LTBP1: variants seen among roughly 807,000 people sequenced by gnomAD.
The protein encoded by LTBP1 is latent-transforming growth factor beta-binding protein 1.
Under a neutral mutation model 207.6 loss-of-function variants are expected in LTBP1, and 129 were observed. The observed-to-expected ratio is 0.62, with a 90% confidence interval of 0.54 to 0.72. The LOEUF is 0.72. LTBP1 is among the 30% of genes least tolerant of loss of function. LTBP1 has a pLI of 0.00. For synonymous variants in LTBP1, 963 were observed against 833.7 expected (o/e 1.16, Z -2.67); for missense variants, 2,281 against 2,217.2 (o/e 1.03, Z -0.58).
intron 31 of LTBP1, among the ~76,000 whole-genome samples, chr2:33,372,150 G>A (rs569257850): frequency 1.3e-5 from 2 of 152,284 alleles, no homozygotes; most frequent in East Asian, 1.9e-4. Flanking sequence ...AGCTTAAGAT[G>A]CCTGTCAGTG....
rs1676430902 is a variant in LTBP1 at position 32,947,793 on chromosome 2, G to A, written c.469G>A (p.Val157Ile). The A allele has an allele frequency of 6.8e-7, 1 of 1,478,344 alleles. No homozygotes were observed. The highest frequency in any genetic ancestry group is 9.0e-7 in the Non-Finnish European group (1 of 1,110,420). 91.6% of individuals were successfully genotyped at this position (1,478,344 alleles called of 1,614,324 possible). ...GAGCGGCGGAGGCTCTAGGCTGCAG[G>A]TTCACCAGAAGCAGCAGCTGCAGGG... is the stretch of plus-strand genomic sequence containing the variant. ...TQSGGGSRLQ[V>I]HQKQQLQGVN... The change falls in exon 1 of 34, where the codon GTT becomes ATT. Residue 157 changes from valine to isoleucine, a missense_variant. Val to Ile is a conservative substitution (Grantham distance 29). This residue lies in a region of LTBP1 where 555 missense variants were observed against 491.0 expected (regional missense o/e 1.13). Transcript: ENST00000404816.
intron 3 of LTBP1, among the ~76,000 whole-genome samples, chr2:33,084,344 GAA>G (rs1447821220): frequency 6.6e-6 from 1 of 152,164 alleles, no homozygotes; most frequent in Non-Finnish European, 1.5e-5. Flanking sequence ...AAGAGGCTTT[GAA>G]GTTGTGAAAG....
In LTBP1 at chr2:33,223,443, A is replaced by T. The variant is rs74552675; in HGVS notation, c.1876+1292A>T. On this transcript the variant is annotated intron_variant, in intron 9 of 33. Coordinates refer to ENST00000404816, the MANE Select transcript of LTBP1 (RefSeq NM_206943.4). ...TTAACCACTTAAGGAGAGGACACCCATGACACATTTTGAGAAACATCTGCT... is the reference window on the plus strand; with the variant it reads ...TTAACCACTTAAGGAGAGGACACCCTTGACACATTTTGAGAAACATCTGCT... Among the ~76,000 whole-genome samples the T allele has an allele frequency of 8.1e-4, 124 of 152,328 alleles. 1 individual carries two copies. The East Asian group carries it at 0.021, about 26-fold the overall frequency.
At chr2:32,951,628 C>T (rs1025035480) in intron 2 of LTBP1, among the ~76,000 whole-genome samples, 2 of 152,154 alleles carry the variant, frequency 1.3e-5, no homozygotes, top group Non-Finnish European at 2.9e-5. Context: ...GTTCACTTGA[C>T]CTGTCTGGCC....
At chr2:33,100,718 T>C (rs532724800) in intron 3 of LTBP1, among the ~76,000 whole-genome samples, 7 of 152,256 alleles carry the variant, frequency 4.6e-5, no homozygotes, top group African/African-American at 1.7e-4. Context: ...CAACCCCTGG[T>C]GATAACCTCT....
At chr2:33,233,244 G>C (rs2091885629) in intron 9 of LTBP1, among the ~76,000 whole-genome samples, 1 of 151,968 alleles carries the variant, frequency 6.6e-6, no homozygotes, top group Non-Finnish European at 1.5e-5. Flanking sequence ...GCTGCATTTT[G>C]AATGGTTATC....
intron 3 of LTBP1, among the ~76,000 whole-genome samples, chr2:33,026,460 G>T (rs952767009): frequency 6.6e-6 from 1 of 152,074 alleles, no homozygotes; most frequent in Non-Finnish European, 1.5e-5. Flanking sequence ...CTTGTCTATG[G>T]ATTGTTTCAC....
chr2:33,074,529 G>A (rs1558599661), intron 3 of LTBP1, among the ~76,000 whole-genome samples: 1 of 152,106 alleles, frequency 6.6e-6, no homozygotes, highest in Non-Finnish European at 1.5e-5. Context: ...TTGAGGTCAA[G>A]AGTTCGAGAC....
intron 30 of LTBP1, 28 bp downstream of exon 30, chr2:33,364,384 G>A (rs1461954729): frequency 6.3e-7 from 1 of 1,587,550 alleles, no homozygotes; most frequent in Non-Finnish European, 8.5e-7. Flanking sequence ...GCAAACCTGT[G>A]TCCAAATAAC....
intron 3 of LTBP1, among the ~76,000 whole-genome samples, chr2:33,022,263 CTCT>C (rs1357719024): frequency 9.7e-6 from 1 of 102,952 alleles, no homozygotes; most frequent in Non-Finnish European, 2.1e-5. Context: ...CTCCTCAATC[CTCT>C]TTTTTTTTTT....
intron 24 of LTBP1, among the ~76,000 whole-genome samples, chr2:33,330,734 G>T (rs1573872485): frequency 6.8e-6 from 1 of 147,660 alleles, no homozygotes; most frequent in Non-Finnish European, 1.5e-5. Context: ...GATAATACAG[G>T]TCTATAATAC....
intron 3 of LTBP1, among the ~76,000 whole-genome samples, chr2:33,029,488 A>G (rs1439941385): frequency 6.6e-6 from 1 of 152,238 alleles, no homozygotes; most frequent in African/African-American, 2.4e-5. Context: ...AAAGAAGAAA[A>G]AAAAAAGAAA....
At chr2:33,034,855 TAAAA>T (rs200129992) in intron 3 of LTBP1, among the ~76,000 whole-genome samples, 9 of 147,754 alleles carry the variant, frequency 6.1e-5, no homozygotes, top group African/African-American at 1.7e-4. Context: ...AGGGTTTAAA[TAAAA>T]AAAAAAGGAT....
At chr2:32,974,801 G>A (rs765297492) in intron 2 of LTBP1, among the ~76,000 whole-genome samples, 8 of 152,098 alleles carry the variant, frequency 5.3e-5, no homozygotes, top group Non-Finnish European at 8.8e-5. Context: ...TCTTGAAGAC[G>A]GTATACAGTT....
chr2:33,347,200 G>C (rs1018988476), intron 25 of LTBP1, among the ~76,000 whole-genome samples, 167 bp from the exon 26 acceptor site: 1 of 150,592 alleles, frequency 6.6e-6, no homozygotes, highest in African/African-American at 2.4e-5. Context: ...AAATCTGACA[G>C]CTCTACCTTA....
intron 2 of LTBP1, among the ~76,000 whole-genome samples, chr2:32,959,618 TA>T (rs1270781214): frequency 1.9e-3 from 84 of 45,100 alleles, no homozygotes; most frequent in African/African-American, 3.6e-3. Flanking sequence ...TATATATATA[TA>T]TATTTTTTTT....
chr2:33,215,872 C>T (rs1249409573), intron 7 of LTBP1, among the ~76,000 whole-genome samples: 1 of 151,974 alleles, frequency 6.6e-6, no homozygotes, highest in Non-Finnish European at 1.5e-5. Flanking sequence ...CGCACCACCA[C>T]GCTGGCTAAT....
chr2:33,181,144 G>C (rs561712449), intron 5 of LTBP1, among the ~76,000 whole-genome samples: 10 of 152,180 alleles, frequency 6.6e-5, no homozygotes, highest in Non-Finnish European at 1.2e-4. Context: ...CCCTGCTGCA[G>C]GAAGGTCAAG....
Position 33,186,919 on chromosome 2 carries a change from C to T in LTBP1, c.1265C>T (p.Pro422Leu), listed in dbSNP as rs769350777. ...AGTTCAAGGGACAAATGTCAGTGCC[C>T]TCCAAATTTCACAGGAAAACTTTGT... Reference protein sequence around the residue: ...QCSSRDKCQCPPNFTGKLCQI... With the variant: ...QCSSRDKCQCLPNFTGKLCQI... The change falls in exon 6 of 34, where the codon CCT becomes CTT. Residue 422 changes from proline (P) to leucine (L), a missense_variant. Pro to Leu is a moderately conservative substitution (Grantham distance 98). This residue lies in a region of LTBP1 where 55 missense variants were observed against 91.5 expected (regional missense o/e 0.60). Coordinates refer to ENST00000404816, the MANE Select transcript of LTBP1 (RefSeq NM_206943.4). The T allele has an allele frequency of 1.9e-6, 3 of 1,614,002 alleles. No individual in the cohort carries two copies. Among genetic ancestry groups the T allele is most frequent in the Non-Finnish European group, 2.5e-6 (3 of 1,180,018 alleles).
Sources: allele counts gnomAD v4.1 joint callset (sites outside exome capture counted in the v4.1 genomes callset), GRCh38; gene constraint gnomAD v4.1.1; regional missense constraint gnomAD v4.1.1; transcripts MANE v1.5; gene names NCBI Gene and HGNC (gene_info 2026-07-23, HGNC 2026-07-21).